TNS3: variants seen among roughly 807,000 people sequenced by gnomAD.
The protein encoded by TNS3 is tensin-3.
Under a neutral mutation model 140.9 loss-of-function variants are expected in TNS3, and 45 were observed. The observed-to-expected ratio is 0.32, with a 90% CI of 0.25 to 0.41. The LOEUF (loss-of-function observed/expected upper bound fraction) is 0.41. TNS3 is among the 10% of genes least tolerant of loss of function. TNS3 has a pLI of 1.00. For synonymous variants in TNS3, 815 were observed against 788.4 expected, an observed-to-expected ratio of 1.03 and a Z score of -0.56; for missense variants, 1,716 against 1,906.7, an observed-to-expected ratio of 0.90 and a Z score of 1.86.
At chr7:47,280,055 G>T (rs1214411584) in intron 30 of TNS3, 109 bp downstream of exon 30, 3 of 1,279,324 alleles carry the variant, frequency 2.3e-6, no homozygotes, top group Admixed American at 2.0e-5. Flanking sequence ...AATTGGCATG[G>T]TGTAGTCATT....
At chr7:47,574,265 T>C (rs1283938310) in intron 1 of TNS3, among the ~76,000 whole-genome samples, 2 of 152,018 alleles carry the variant, frequency 1.3e-5, no homozygotes, top group East Asian at 3.9e-4. Flanking sequence ...ATGAAAGACA[T>C]TCTTCCTGCT....
intron 16 of TNS3, among the ~76,000 whole-genome samples, chr7:47,370,567 C>A (rs994475104): frequency 1.3e-5 from 2 of 152,224 alleles, no homozygotes; most frequent in African/African-American, 2.4e-5. Flanking sequence ...CTCTGGCATT[C>A]GGGGACTCCC....
At chr7:47,400,970 C>CG in intron 13 of TNS3, 56 bp from the exon 14 acceptor site, 3 of 1,606,496 alleles carry the variant, frequency 1.9e-6, no homozygotes, top group Non-Finnish European at 2.6e-6. Context: ...CACACGTTCC[C>CG]GGCAAGGAAC....
At chr7:47,519,323 C>T (rs1005201060) in intron 2 of TNS3, among the ~76,000 whole-genome samples, 1 of 150,618 alleles carries the variant, frequency 6.6e-6, no homozygotes, top group African/African-American at 2.4e-5. Flanking sequence ...TCAAAGGGAT[C>T]ATATTATACA....
intron 20 of TNS3, among the ~76,000 whole-genome samples, chr7:47,326,688 G>T (rs1788041402): frequency 6.6e-6 from 1 of 152,138 alleles, no homozygotes; most frequent in Non-Finnish European, 1.5e-5. Flanking sequence ...AGAAAACTAT[G>T]TCCGTCCTAA....
intron 17 of TNS3, among the ~76,000 whole-genome samples, chr7:47,348,011 C>T (rs1789447399): frequency 6.6e-6 from 1 of 152,218 alleles, no homozygotes. Flanking sequence ...CTCACACTCA[C>T]CACCCTCCAC....
At chr7:47,536,011 C>T (rs973908395) in intron 1 of TNS3, among the ~76,000 whole-genome samples, 8 of 152,242 alleles carry the variant, frequency 5.3e-5, no homozygotes, top group Non-Finnish European at 7.3e-5. Context: ...AACACATTCC[C>T]AGCCCAACTT....
chr7:47,528,196 C>T (rs936151233), intron 2 of TNS3, among the ~76,000 whole-genome samples: 2 of 152,156 alleles, frequency 1.3e-5, no homozygotes, highest in Admixed American at 1.3e-4. Context: ...CCTTAGAGGC[C>T]CCTGGTCACA....
Position 47,374,490 on chromosome 7 carries a change from C to A in TNS3, c.1025-4869G>T, listed in dbSNP as rs545576082. 5.9e-5 allele frequency among the ~76,000 whole-genome samples: 9 copies of A among 152,310 alleles called. No homozygotes were observed. The South Asian group carries it at 1.9e-3, about 32-fold the overall frequency. ...TCTACACTGGGCACATAGGAAAGAG[C>A]CTCATCTAAACACTTTCTGCCATTG... On this transcript the variant is annotated intron_variant, in intron 16 of 30. Transcript: ENST00000311160.
chr7:47,564,650 C>CAAAAAA lies in TNS3; in HGVS notation c.-265+17395_-265+17400dup, dbSNP rs397961987. On this transcript the variant is annotated intron_variant, in intron 1 of 30. Coordinates refer to ENST00000311160, the MANE Select transcript of TNS3 (RefSeq NM_022748.12). ...GACTCCGTCTCAAAAAAAAAAAAAACAAAAAAAAACAAAAAAAGACTGCAA... is the reference window on the plus strand; with the variant it reads ...GACTCCGTCTCAAAAAAAAAAAAAACAAAAAAAAAAAAAAACAAAAAAAGACTGCAA... 4.2e-3 allele frequency among the ~76,000 whole-genome samples: 413 copies of CAAAAAA among 99,096 alleles called. 18 individuals carry two copies. The highest frequency in any genetic ancestry group is 0.031 in the Middle Eastern group (4 of 128). The allele number at this position is 99,096 out of a possible 152,430, so 65.0% of individuals were successfully genotyped here. A position where few individuals can be genotyped will look rare whatever the true frequency, so the allele number is the denominator to read the frequency against.
At position 47,529,131 on chromosome 7, in the gene TNS3, G is replaced by A. The variant is rs754605291; in HGVS notation, c.-248C>T. 92 of 1,281,662 alleles carry A rather than the reference G, an allele frequency of 7.2e-5. 1 individual carries two copies. The East Asian group carries it at 7.2e-4, about 10-fold the overall frequency. 79.4% of individuals were successfully genotyped at this position (1,281,662 alleles called of 1,614,324 possible). A position where few individuals can be genotyped will look rare whatever the true frequency, so the allele number is the denominator to read the frequency against. The stretch of plus-strand genomic sequence containing the variant: ...CTTGTTCTTAAAAGCGTGCAGACTC[G>A]AGGTTAATTCTTCCGGCTGAAAAAG... On this transcript the variant is annotated 5_prime_UTR_variant, in exon 2 of 31. Transcript: ENST00000311160.
chr7:47,407,389 C>T lies in TNS3; in HGVS notation c.723+4338G>A, dbSNP rs1326777300. ...TCTGCATGCTCATCTCCCTGAAGGA[C>T]CCAGACTCCCGGGAGCAGGAGCCCT... is the stretch of plus-strand genomic sequence containing the variant. On this transcript the variant is annotated intron_variant, in intron 13 of 30. Transcript: ENST00000311160. This position sits in a 1 kb window ranked among gnomAD's most constrained non-coding sequence, Gnocchi z 4.1. Among the ~76,000 whole-genome samples the T allele has an allele frequency of 6.6e-6, 1 of 152,180 alleles. No individual in the cohort carries two copies. Among genetic ancestry groups the T allele is most frequent in the African/African-American group, 2.4e-5 (1 of 41,440 alleles).
At chr7:47,527,010 A>G (rs1384896306) in intron 2 of TNS3, among the ~76,000 whole-genome samples, 1 of 152,058 alleles carries the variant, frequency 6.6e-6, no homozygotes, top group Non-Finnish European at 1.5e-5. Flanking sequence ...AGGCAGGCGG[A>G]TCACAAGTTC....
intron 1 of TNS3, among the ~76,000 whole-genome samples, chr7:47,560,951 T>TGTCA (rs2151997888): frequency 6.6e-6 from 1 of 152,324 alleles, no homozygotes; most frequent in South Asian, 2.1e-4. Flanking sequence ...TGGCCTCTGA[T>TGTCA]GTCAGGTCAC....
intron 3 of TNS3, among the ~76,000 whole-genome samples, chr7:47,488,472 G>A (rs767687109): frequency 9.9e-5 from 15 of 152,046 alleles, no homozygotes; most frequent in Non-Finnish European, 1.8e-4. Context: ...CCTCTCTCCC[G>A]GGCCTGCAGA....
chr7:47,467,571 C>T (rs1411497140), intron 4 of TNS3, among the ~76,000 whole-genome samples: 2 of 152,150 alleles, frequency 1.3e-5, no homozygotes, highest in Non-Finnish European at 2.9e-5. Flanking sequence ...CAACAGTTGT[C>T]CTGATGCTGG....
At chr7:47,456,809 C>A (rs1796265514) in intron 4 of TNS3, among the ~76,000 whole-genome samples, 1 of 152,024 alleles carries the variant, frequency 6.6e-6, no homozygotes, top group Non-Finnish European at 1.5e-5. Context: ...ACATCTGGAG[C>A]TCCAACAGTG....
intron 17 of TNS3, among the ~76,000 whole-genome samples, chr7:47,351,327 C>A (rs1032334998): frequency 6.6e-6 from 1 of 152,192 alleles, no homozygotes; most frequent in Non-Finnish European, 1.5e-5. Context: ...CCAATATGCT[C>A]AGAGGAGATG....
chr7:47,573,722 C>T (rs942340759), intron 1 of TNS3, among the ~76,000 whole-genome samples: 59 of 152,154 alleles, frequency 3.9e-4, no homozygotes, highest in African/African-American at 1.4e-3. Context: ...GCCTGCCCGG[C>T]CAGGGACCTC....
Sources: allele counts gnomAD v4.1 joint callset (sites outside exome capture counted in the v4.1 genomes callset), GRCh38; gene constraint gnomAD v4.1.1; non-coding constraint Gnocchi (gnomAD v3.1); transcripts MANE v1.5; gene names NCBI Gene and HGNC (gene_info 2026-07-23, HGNC 2026-07-21).